The following UPP2 variants were observed in gnomAD, a reference collection of about 807,000 sequenced individuals.
The protein encoded by UPP2 is UPase 2.
Under a neutral mutation model 26.7 loss-of-function variants are expected in UPP2, and 23 were observed. That is an observed-to-expected ratio of 0.86 (90% confidence interval 0.62 to 1.22). The LOEUF (loss-of-function observed/expected upper bound fraction) is 1.22, where lower values mean the gene tolerates loss of function less well. Ranked by LOEUF, UPP2 falls within the 50% of genes most tolerant of loss-of-function variation. UPP2 has a pLI of 0.00. For synonymous variants in UPP2, 127 were observed against 141.3 expected, an observed-to-expected ratio of 0.90 and a Z score of 0.72; for missense variants, 387 against 396.7, an observed-to-expected ratio of 0.98 and a Z score of 0.21.
At chr2:158,052,527 T>C (rs973295142) in intron 3 of UPP2, among the ~76,000 whole-genome samples, 1 of 152,212 alleles carries the variant, frequency 6.6e-6, no homozygotes, top group African/African-American at 2.4e-5. Context: ...ACACCAACAG[T>C]AGCCATTCAT....
chr2:158,082,207 C>T (rs1169894815), intron 3 of UPP2, among the ~76,000 whole-genome samples: 1 of 152,092 alleles, frequency 6.6e-6, no homozygotes, highest in Non-Finnish European at 1.5e-5. Flanking sequence ...GCCTTGGCCT[C>T]CCAAAGTGCT....
At chr2:158,112,692 C>G (rs986222907) in intron 2 of UPP2, among the ~76,000 whole-genome samples, 29 of 152,112 alleles carry the variant, frequency 1.9e-4, no homozygotes, top group African/African-American at 7.0e-4. Flanking sequence ...TCTAATCTCT[C>G]ACTAGAAATT....
intron 2 of UPP2, among the ~76,000 whole-genome samples, chr2:158,012,263 C>CTTTTTTTT (rs34807293): frequency 6.1e-5 from 5 of 81,584 alleles, no homozygotes; most frequent in Admixed American, 2.0e-4. Context: ...TTGTTTCTAC[C>CTTTTTTTT]TTTTTTTTTT....
intron 3 of UPP2, among the ~76,000 whole-genome samples, chr2:158,081,413 C>A (rs1682724933): frequency 6.6e-6 from 1 of 151,888 alleles, no homozygotes; most frequent in Admixed American, 6.6e-5. Context: ...CATGATAGTT[C>A]CTCAAAAAAC....
upstream of UPP2, among the ~76,000 whole-genome samples, chr2:158,097,745 C>T (rs13395880): frequency 0.026 from 3,968 of 152,276 alleles, 175 homozygotes; most frequent in African/African-American, 0.087. Flanking sequence ...CTGCCTAGAA[C>T]AGCAGTGCAT....
chr2:158,028,561 A>G (rs977452021), intron 3 of UPP2, among the ~76,000 whole-genome samples: 41 of 152,130 alleles, frequency 2.7e-4, no homozygotes, highest in African/African-American at 9.6e-4. Context: ...GAGCCCCCCA[A>G]TCTGTTCCAA....
chr2:158,022,560 G>A (rs751735258), intron 3 of UPP2, among the ~76,000 whole-genome samples: 20 of 151,804 alleles, frequency 1.3e-4, no homozygotes, highest in Non-Finnish European at 2.4e-4. Flanking sequence ...AAAAATGTTG[G>A]TCTGAACCCA....
At chr2:158,107,798 G>A (rs1481279885) in intron 2 of UPP2, among the ~76,000 whole-genome samples, 1 of 152,128 alleles carries the variant, frequency 6.6e-6, no homozygotes, top group Non-Finnish European at 1.5e-5. Context: ...CTGGCAGTGA[G>A]GTGACCCACC....
intron 3 of UPP2, among the ~76,000 whole-genome samples, chr2:158,038,707 T>C (rs890403420): frequency 1.3e-5 from 2 of 152,220 alleles, no homozygotes; most frequent in Admixed American, 1.3e-4. Context: ...GAGAGAATTT[T>C]TTTTACTCTC....
intron 6 of UPP2, among the ~76,000 whole-genome samples, chr2:158,130,208 C>T (rs1255756839): frequency 1.3e-5 from 2 of 149,904 alleles, no homozygotes; most frequent in South Asian, 2.2e-4. Context: ...TTTGGGAGGC[C>T]GAGATGGGCA....
intron 3 of UPP2, among the ~76,000 whole-genome samples, chr2:158,093,326 G>T (rs1682939841): frequency 6.9e-6 from 1 of 144,620 alleles, no homozygotes; most frequent in African/African-American, 2.7e-5. Flanking sequence ...AAAATAAGAA[G>T]AAAGGAGTAA....
rs533265088 is a variant in UPP2 at position 158,030,368 on chromosome 2, T to C, written c.147+14482T>C. On this transcript the variant is annotated intron_variant, in intron 3 of 9. Transcript: ENST00000605860. Reference sequence around the variant, plus strand: ...AATATTTCATCCATATCCCTGAAAGTTTATATATTCAAATTGGCCAAAAAC... The same window carrying C: ...AATATTTCATCCATATCCCTGAAAGCTTATATATTCAAATTGGCCAAAAAC... 4.0e-4 allele frequency among the ~76,000 whole-genome samples: 61 copies of C among 152,330 alleles called. 1 individual carries two copies. In the South Asian group the frequency reaches 0.012, roughly 30 times the overall value.
At chr2:158,057,019 C>T (rs1451684498) in intron 3 of UPP2, among the ~76,000 whole-genome samples, 1 of 151,974 alleles carries the variant, frequency 6.6e-6, no homozygotes, top group Admixed American at 6.6e-5. Context: ...GTAAGATGTC[C>T]CGTTTTTTGG....
chr2:158,103,014 G>A (rs1170939365), intron 1 of UPP2, among the ~76,000 whole-genome samples: 1 of 152,204 alleles, frequency 6.6e-6, no homozygotes, highest in African/African-American at 2.4e-5. Context: ...ACTATTCTAT[G>A]TGTTAGGAAA....
At chr2:158,125,803 A>C (rs747918031) in intron 6 of UPP2, among the ~76,000 whole-genome samples, 1 of 152,154 alleles carries the variant, frequency 6.6e-6, no homozygotes, top group African/African-American at 2.4e-5. Context: ...CAAGTTAGTG[A>C]CGGTGGGAAA....
intron 2 of UPP2, among the ~76,000 whole-genome samples, chr2:158,010,257 T>G (rs946981373): frequency 1.3e-5 from 2 of 152,220 alleles, no homozygotes; most frequent in African/African-American, 4.8e-5. Flanking sequence ...ATGTATCACT[T>G]TCCCAAAAAG....
upstream of UPP2, among the ~76,000 whole-genome samples, chr2:158,101,611 G>A (rs533056378): frequency 2.0e-5 from 3 of 152,290 alleles, no homozygotes; most frequent in East Asian, 5.8e-4. Context: ...AGAAGACCTG[G>A]TAGGTGTGTT....
intron 2 of UPP2, among the ~76,000 whole-genome samples, chr2:158,008,719 A>G (rs1207532839): frequency 2.0e-5 from 3 of 152,254 alleles, no homozygotes; most frequent in Admixed American, 6.5e-5. Flanking sequence ...TTCTGTTTGA[A>G]TAAGACCTGT....
intron 3 of UPP2, among the ~76,000 whole-genome samples, chr2:158,061,833 G>A (rs889998243): frequency 7.2e-5 from 11 of 152,300 alleles, no homozygotes; most frequent in South Asian, 2.1e-4. Context: ...TCGCCTTTGC[G>A]TGCACAGATC....
Sources: gnomAD v4.1 joint callset for allele counts (sites outside exome capture counted in the v4.1 genomes callset) on GRCh38, gnomAD v4.1.1 for gene constraint, MANE v1.5 for transcripts, NCBI Gene and HGNC (gene_info 2026-07-23, HGNC 2026-07-21) for gene names.